NEMF: variants seen among roughly 807,000 people sequenced by gnomAD.
NEMF encodes ribosome quality control complex subunit NEMF.
A neutral mutation model predicts 162.2 loss-of-function variants in NEMF; 89 were observed. The ratio of observed to expected loss-of-function variants is 0.55; its 90% CI spans 0.46 to 0.65. The LOEUF (loss-of-function observed/expected upper bound fraction) is 0.65. Among genes scored for constraint, NEMF ranks in the 30% least tolerant of loss-of-function variants. The pLI is 0.00. For synonymous variants in NEMF, 421 were observed against 404.5 expected (o/e 1.04, Z -0.49); for missense variants, 1,133 against 1,261.9 (o/e 0.90, Z 1.55).
At chr14:49,785,071 C>CA (rs1183445749) in intron 31 of NEMF, 21 bp downstream of exon 31, 6 of 1,607,112 alleles carry the variant, frequency 3.7e-6, no homozygotes, top group Non-Finnish European at 5.1e-6. Context: ...AATCATAATT[C>CA]AAAAAAACAA....
rs113808529 is a variant in NEMF at position 49,782,353 on chromosome 14, T to TTTTG, written c.*2279_*2282dup. 417 of 1,589,940 alleles carry TTTTG rather than the reference T, an allele frequency of 2.6e-4. No individual in the cohort carries two copies. In the African/African-American group the frequency reaches 4.6e-3, roughly 18 times the overall value. On this transcript the variant is annotated 3_prime_UTR_variant, in exon 33 of 33. Transcript: ENST00000298310. Reference sequence around the variant, plus strand: ...GTGTTCTGGGTGGCTTCAAACTCGTTTTTGTTTTAAATGCAGGTTATGGCA... The same window carrying TTTTG: ...GTGTTCTGGGTGGCTTCAAACTCGTTTTTGTTTGTTTTAAATGCAGGTTATGGCA...
chr14:49,790,415 T>G (rs1890385340), intron 26 of NEMF, among the ~76,000 whole-genome samples: 1 of 151,958 alleles, frequency 6.6e-6, no homozygotes, highest in Admixed American at 6.6e-5. Flanking sequence ...CCAAAAAACA[T>G]GAGAAAGCGC....
At chr14:49,838,309 C>T (rs1464557860) in intron 5 of NEMF, 103 bp from the exon 6 acceptor site, 15 of 856,434 alleles carry the variant, frequency 1.8e-5, no homozygotes, top group Non-Finnish European at 2.6e-5. Context: ...CTGATCTTTA[C>T]AATAATCTGA....
intron 18 of NEMF, among the ~76,000 whole-genome samples, chr14:49,813,532 C>T (rs1278640732): frequency 6.6e-6 from 1 of 152,186 alleles, no homozygotes; most frequent in Non-Finnish European, 1.5e-5. Flanking sequence ...AGAACTATCT[C>T]TCTCTCCCTT....
At position 49,784,352 on chromosome 14, in the gene NEMF, T is replaced by C. The variant is rs1435817486; in HGVS notation, c.*284A>G. On this transcript the variant is annotated 3_prime_UTR_variant, in exon 33 of 33. Coordinates refer to ENST00000298310, the MANE Select transcript of NEMF (RefSeq NM_004713.6). ...TTTCTTTACATCATGAAATGAATAC[T>C]TGGTATTAACCTCCCAAATTTCAAG... 7.4e-6 allele frequency: 2 copies of C among 270,910 alleles called. No individual in the cohort carries two copies. The highest frequency in any genetic ancestry group is 4.5e-5 in the African/African-American group (2 of 44,754). The allele number at this position is 270,910 out of a possible 1,614,324, so 16.8% of individuals were successfully genotyped here. A position where few individuals can be genotyped will look rare whatever the true frequency, so the allele number is the denominator to read the frequency against.
chr14:49,834,766 G>A (rs1278747970), intron 6 of NEMF, among the ~76,000 whole-genome samples: 5 of 152,036 alleles, frequency 3.3e-5, no homozygotes, highest in Admixed American at 6.5e-5. Flanking sequence ...TACAGGTGTG[G>A]GCCACCATGA....
At chr14:49,847,225 G>A (rs570423073) in intron 3 of NEMF, among the ~76,000 whole-genome samples, 8 of 150,066 alleles carry the variant, frequency 5.3e-5, no homozygotes, top group East Asian at 2.0e-4. Flanking sequence ...ATTTGGAGAC[G>A]GAGTCTCACT....
At chr14:49,819,810 T>C (rs748836770) in intron 16 of NEMF, among the ~76,000 whole-genome samples, 1 of 152,146 alleles carries the variant, frequency 6.6e-6, no homozygotes, top group Non-Finnish European at 1.5e-5. Flanking sequence ...AATCTGTGTG[T>C]TTTCATTTGT....
At chr14:49,804,688 T>C (rs1042386713) in intron 19 of NEMF, among the ~76,000 whole-genome samples, 4 of 149,644 alleles carry the variant, frequency 2.7e-5, no homozygotes, top group African/African-American at 9.8e-5. Flanking sequence ...AATTTATACA[T>C]CTGTGAAACC....
intron 19 of NEMF, among the ~76,000 whole-genome samples, chr14:49,805,208 G>A (rs1891133348): frequency 6.6e-6 from 1 of 152,078 alleles, no homozygotes; most frequent in Non-Finnish European, 1.5e-5. Flanking sequence ...ATATAAAAAT[G>A]AAACTAAATC....
Position 49,789,201 on chromosome 14 carries a change from T to C in NEMF, c.2840A>G (p.Glu947Gly). ...DNIKKETPFL[E>G]VITHELQDFA... ...GTCTTGTAACTCATGAGTTATAACC[T>C]CAAGGAACGGAGTTTCTTTCTTAAT... The change falls in exon 28 of 33, where the codon GAG (glutamate) becomes GGG (glycine). Residue 947 changes from glutamate to glycine, a missense_variant. This residue lies in a region of NEMF where 532 missense variants were observed against 578.6 expected (regional missense o/e 0.92). Transcript: ENST00000298310. 1 of 1,614,154 alleles carries C rather than the reference T, an allele frequency of 6.2e-7. No homozygotes were observed. Among genetic ancestry groups the C allele is most frequent in the Non-Finnish European group, 8.5e-7 (1 of 1,179,984 alleles).
rs142637101 is a variant in NEMF at position 49,803,229 on chromosome 14, G to A, written c.1915+8C>T. On this transcript the variant is annotated splice_region_variant and intron_variant, in intron 20 of 32. Coordinates refer to ENST00000298310, the MANE Select transcript of NEMF (RefSeq NM_004713.6). ...AGTCTAGTGATATTTTTCCTGTCAA[G>A]ACATTACCTCTTATCATGAAGCTTC... The A allele has an allele frequency of 6.9e-4, 1,101 of 1,599,004 alleles. 7 individuals are homozygous for A. In the African/African-American group the frequency reaches 0.012, roughly 17 times the overall value.
chr14:49,800,863 T>G, intron 22 of NEMF, 167 bp from the exon 23 acceptor site: 6 of 621,020 alleles, frequency 9.7e-6, no homozygotes, highest in Non-Finnish European at 1.4e-5. Flanking sequence ...AAGAATAACC[T>G]GTATCATGAA....
chr14:49,782,705 G>A lies in NEMF; in HGVS notation c.*1931C>T. 7.3e-7 allele frequency: 1 copy of A among 1,378,358 alleles called. No individual in the cohort carries two copies. The highest frequency in any genetic ancestry group is 1.0e-6 in the Non-Finnish European group (1 of 1,004,056). 85.4% of individuals were successfully genotyped at this position (1,378,358 alleles called of 1,614,324 possible). A position where few individuals can be genotyped will look rare whatever the true frequency, so the allele number is the denominator to read the frequency against. ...TATTTAAGGGCAATAAAACTTCATT[G>A]CTATAACCAGTTCCTATGAAAATCT... On this transcript the variant is annotated 3_prime_UTR_variant, in exon 33 of 33. Coordinates refer to ENST00000298310, the MANE Select transcript of NEMF (RefSeq NM_004713.6).
At position 49,850,640 on chromosome 14, in the gene NEMF, ATC is replaced by A. The variant is rs1480804492; in HGVS notation, c.231+921_231+922del. 9.9e-5 allele frequency among the ~76,000 whole-genome samples: 15 copies of A among 152,272 alleles called. No individual in the cohort carries two copies. In the East Asian group the frequency reaches 2.7e-3, roughly 27 times the overall value. On this transcript the variant is annotated intron_variant, in intron 3 of 32. Coordinates refer to ENST00000298310, the MANE Select transcript of NEMF (RefSeq NM_004713.6). ...GGGTAGCATGCCCACCCATGTAAAA[ATC>A]TGTTTTAATAGTAAAAACAAAACAG...
chr14:49,852,626 T>A, intron 1 of NEMF, 69 bp downstream of exon 1: 1 of 1,540,202 alleles, frequency 6.5e-7, no homozygotes, highest in Admixed American at 1.7e-5. Flanking sequence ...CTGGTCTGTT[T>A]GCGCCATGGG....
intron 3 of NEMF, among the ~76,000 whole-genome samples, chr14:49,846,614 G>A (rs559709004): frequency 6.6e-6 from 1 of 151,956 alleles, no homozygotes; most frequent in African/African-American, 2.4e-5. Context: ...ACAGGCACAT[G>A]CCACTATCCC....
rs545023488 is a variant in NEMF at position 49,834,287 on chromosome 14, C to G, written c.661+76G>C. ...TTTTCATTCTAGAACCACCTGCTCCCTTATTACTTTCCCAGAAAAAATTTT... is the reference window on the plus strand; with the variant it reads ...TTTTCATTCTAGAACCACCTGCTCCGTTATTACTTTCCCAGAAAAAATTTT... On this transcript the variant is annotated intron_variant, in intron 7 of 32. Coordinates refer to ENST00000298310, the MANE Select transcript of NEMF (RefSeq NM_004713.6). The G allele has an allele frequency of 6.0e-5, 58 of 967,340 alleles. No individual in the cohort carries two copies. In the South Asian group the frequency reaches 7.9e-4, roughly 13 times the overall value. The allele number at this position is 967,340 out of a possible 1,614,324, so 59.9% of individuals were successfully genotyped here.
At position 49,820,096 on chromosome 14, in the gene NEMF, C is replaced by G. The variant is rs553081491; in HGVS notation, c.1578-5239G>C. ...CCACCCGAGTAGCTTGGTCTACAGGCACAAGCCACCACACCTGGCTAATTT... is the reference window on the plus strand; with the variant it reads ...CCACCCGAGTAGCTTGGTCTACAGGGACAAGCCACCACACCTGGCTAATTT... On this transcript the variant is annotated intron_variant, in intron 16 of 32. Transcript: ENST00000298310. 3.3e-4 allele frequency: 72 copies of G among 218,634 alleles called. 1 individual carries two copies. Among genetic ancestry groups the G allele is most frequent in the African/African-American group, 1.7e-3 (72 of 42,430 alleles). The allele number at this position is 218,634 out of a possible 1,614,324, so 13.5% of individuals were successfully genotyped here. A position where few individuals can be genotyped will look rare whatever the true frequency, so the allele number is the denominator to read the frequency against.
Sources: gnomAD v4.1 joint callset for allele counts (sites outside exome capture counted in the v4.1 genomes callset) on GRCh38, gnomAD v4.1.1 for gene constraint, gnomAD v4.1.1 regional missense constraint, MANE v1.5 for transcripts, NCBI Gene and HGNC (gene_info 2026-07-23, HGNC 2026-07-21) for gene names.